The following BACE2 variants were observed in gnomAD, a reference collection of about 807,000 sequenced individuals.
The protein encoded by BACE2 is 56 kDa aspartic-like protease.
Under a neutral mutation model 46.2 loss-of-function variants are expected in BACE2, and 17 were observed. That is an observed-to-expected ratio of 0.37 (90% CI 0.25 to 0.55). BACE2 has a LOEUF of 0.55. Among genes scored for constraint, BACE2 ranks in the 20% least tolerant of loss-of-function variants. BACE2 has a pLI of 0.82. For synonymous variants in BACE2, 277 were observed against 295.9 expected (o/e 0.94, Z 0.66); for missense variants, 595 against 698.1 (o/e 0.85, Z 1.66).
At chr21:41,243,767 A>T (rs1355747506) in intron 5 of BACE2, among the ~76,000 whole-genome samples, 1 of 152,194 alleles carries the variant, frequency 6.6e-6, no homozygotes, top group African/African-American at 2.4e-5. Flanking sequence ...AGTGAAGAGG[A>T]CTATCTGAGC....
chr21:41,280,910 T>C lies in BACE2; in HGVS notation c.*5286T>C, dbSNP rs2088541216. 1.3e-5 allele frequency: 2 copies of C among 152,238 alleles called. No individual in the cohort carries two copies. The highest frequency in any genetic ancestry group is 1.3e-4 in the Admixed American group (2 of 15,284). The allele number at this position is 152,238 out of a possible 1,614,324, so 9.4% of individuals were successfully genotyped here. The stretch of plus-strand genomic sequence containing the variant: ...GTGTGCTTAAAAAGCACACCGTGGG[T>C]AGTGACTGGGCCAAGAGACATCACA... On this transcript the variant is annotated 3_prime_UTR_variant, in exon 9 of 9. Coordinates refer to ENST00000330333, the MANE Select transcript of BACE2 (RefSeq NM_012105.5).
chr21:41,233,090 G>A (rs1396117266), intron 2 of BACE2, among the ~76,000 whole-genome samples: 2 of 151,962 alleles, frequency 1.3e-5, no homozygotes, highest in Admixed American at 6.5e-5. Flanking sequence ...GGATAGTCTC[G>A]ATCTCCTGAC....
intron 7 of BACE2, among the ~76,000 whole-genome samples, chr21:41,253,276 C>G (rs1987689855): frequency 6.6e-6 from 1 of 151,898 alleles, no homozygotes; most frequent in African/African-American, 2.4e-5. Context: ...CCAGTCTCTA[C>G]TAAAAATATA....
chr21:41,221,637 A>G (rs935606030), intron 1 of BACE2, among the ~76,000 whole-genome samples: 5 of 152,096 alleles, frequency 3.3e-5, no homozygotes, highest in African/African-American at 1.2e-4. Context: ...CATCCTGGCT[A>G]ACACGGTGAA....
At chr21:41,215,505 C>T (rs17175402) in intron 1 of BACE2, among the ~76,000 whole-genome samples, 6,307 of 152,292 alleles carry the variant, frequency 0.041, 186 homozygotes, top group Non-Finnish European at 0.059. Flanking sequence ...CCCTCGAGGC[C>T]GCTGATGTTG....
intron 1 of BACE2, among the ~76,000 whole-genome samples, chr21:41,213,513 G>T (rs911597611): frequency 6.6e-6 from 1 of 152,170 alleles, no homozygotes; most frequent in African/African-American, 2.4e-5. Context: ...GGTGGCTCAC[G>T]CCTGTAATCG....
intron 1 of BACE2, among the ~76,000 whole-genome samples, chr21:41,217,436 C>G (rs1285354365): frequency 6.6e-6 from 1 of 152,130 alleles, no homozygotes; most frequent in South Asian, 2.1e-4. Flanking sequence ...TCTTTACCCC[C>G]CTCCTTTCCC....
intron 2 of BACE2, among the ~76,000 whole-genome samples, chr21:41,235,697 T>G (rs1987097564): frequency 6.6e-6 from 1 of 152,172 alleles, no homozygotes; most frequent in African/African-American, 2.4e-5. Flanking sequence ...AAAATATTAG[T>G]TGGGCTTGAT....
intron 8 of BACE2, among the ~76,000 whole-genome samples, chr21:41,265,699 A>G (rs1260225239): frequency 2.0e-5 from 3 of 152,136 alleles, no homozygotes; most frequent in African/African-American, 7.2e-5. Context: ...GGAGTAATTA[A>G]CCATATGCTT....
At chr21:41,189,078 A>C (rs76179158) in intron 1 of BACE2, among the ~76,000 whole-genome samples, 2 of 152,130 alleles carry the variant, frequency 1.3e-5, no homozygotes, top group Non-Finnish European at 2.9e-5. Context: ...AGTCTGATGC[A>C]ATTGTAATTC....
In BACE2 at chr21:41,263,740, T is replaced by A. The variant is rs553638819; in HGVS notation, c.1303+6414T>A. Among the ~76,000 whole-genome samples, 70 of 152,354 alleles carry A rather than the reference T, an allele frequency of 4.6e-4. 2 individuals are homozygous for A. In the South Asian group the frequency reaches 0.012, roughly 26 times the overall value. ...TTTAAGGGTAATCTGTTGCTTCTCC[T>A]TAGTTACCGGTAAGACTGCTTTTAT... On this transcript the variant is annotated intron_variant, in intron 8 of 8. Coordinates refer to ENST00000330333, the MANE Select transcript of BACE2 (RefSeq NM_012105.5).
At chr21:41,244,169 A>G (rs570998647) in intron 5 of BACE2, among the ~76,000 whole-genome samples, 1 of 152,308 alleles carries the variant, frequency 6.6e-6, no homozygotes, top group Admixed American at 6.5e-5. Context: ...CTTTATAAAA[A>G]CCATGGGGAT....
chr21:41,187,914 G>A (rs554972973), intron 1 of BACE2, among the ~76,000 whole-genome samples: 1 of 152,202 alleles, frequency 6.6e-6, no homozygotes, highest in African/African-American at 2.4e-5. Context: ...GTTTACCAAA[G>A]TATAGCTCCC....
At chr21:41,247,699 G>A (rs1193153660) in intron 6 of BACE2, among the ~76,000 whole-genome samples, 2 of 152,260 alleles carry the variant, frequency 1.3e-5, no homozygotes, top group Non-Finnish European at 2.9e-5. Flanking sequence ...GCTCATCGTG[G>A]CATGCGCTGA....
intron 6 of BACE2, among the ~76,000 whole-genome samples, chr21:41,248,226 GA>G (rs1987529364): frequency 1.3e-5 from 2 of 152,172 alleles, no homozygotes; most frequent in Admixed American, 1.3e-4. Flanking sequence ...ATACCCGCTT[GA>G]AAATGGCTTC....
At chr21:41,214,197 C>T (rs1354404963) in intron 1 of BACE2, among the ~76,000 whole-genome samples, 1 of 152,156 alleles carries the variant, frequency 6.6e-6, no homozygotes, top group Non-Finnish European at 1.5e-5. Context: ...AGGTGCCAGG[C>T]ACTGGTACAT....
intron 7 of BACE2, among the ~76,000 whole-genome samples, chr21:41,254,322 A>C (rs963475802): frequency 6.6e-6 from 1 of 152,162 alleles, no homozygotes; most frequent in African/African-American, 2.4e-5. Flanking sequence ...CAGTGTGGTC[A>C]CATGGCAGCC....
chr21:41,270,701 A>G (rs2088425870), intron 8 of BACE2, among the ~76,000 whole-genome samples: 1 of 152,216 alleles, frequency 6.6e-6, no homozygotes, highest in African/African-American at 2.4e-5. Context: ...ATCTTTTGAA[A>G]TTTATTGAAA....
At chr21:41,185,284 G>A (rs1171849869) in intron 1 of BACE2, 1 of 153,328 alleles carries the variant, frequency 6.5e-6, no homozygotes, top group Non-Finnish European at 1.5e-5. Flanking sequence ...GAGATCTAGA[G>A]TTGGGTGGAG....
Sources: allele counts gnomAD v4.1 joint callset (sites outside exome capture counted in the v4.1 genomes callset), GRCh38; gene constraint gnomAD v4.1.1; transcripts MANE v1.5; gene names NCBI Gene and HGNC (gene_info 2026-07-23, HGNC 2026-07-21).